Variants in CSMD3 observed in about 807,000 individuals in gnomAD.
CSMD3 encodes CUB and Sushi multiple domains 3.
Under a neutral mutation model 435.2 loss-of-function variants are expected in CSMD3, and 177 were observed. The observed-to-expected ratio is 0.41, with a 90% CI of 0.36 to 0.46. The LOEUF (loss-of-function observed/expected upper bound fraction) is 0.46, where lower values mean the gene tolerates loss of function less well. Among genes scored for constraint, CSMD3 ranks in the 20% least tolerant of loss-of-function variants. The probability of loss-of-function intolerance (pLI) is 0.34; values close to 1 mark genes in which losing one functional copy is unlikely to be tolerated. For synonymous variants in CSMD3, 1,656 were observed against 1,520.5 expected (o/e 1.09, Z -2.07); for missense variants, 4,265 against 4,504.6 (o/e 0.95, Z 1.52).
At chr8:112,271,987 T>C (rs1817570281) in intron 59 of CSMD3, among the ~76,000 whole-genome samples, 1 of 152,164 alleles carries the variant, frequency 6.6e-6, no homozygotes, top group Admixed American at 6.6e-5. Context: ...GGGAGGGAAC[T>C]ATTAATAGCT....
At chr8:112,605,463 C>T (rs1832714979) in intron 22 of CSMD3, among the ~76,000 whole-genome samples, 2 of 152,096 alleles carry the variant, frequency 1.3e-5, no homozygotes, top group Non-Finnish European at 2.9e-5. Context: ...GGAATGAACT[C>T]ATGTTCTCTG....
intron 32 of CSMD3, among the ~76,000 whole-genome samples, chr8:112,448,292 C>T (rs919405466): frequency 1.3e-5 from 2 of 152,086 alleles, no homozygotes; most frequent in African/African-American, 4.8e-5. Flanking sequence ...CCTCATTAAA[C>T]CTTAATCACC....
chr8:112,477,899 C>T (rs1819226313), intron 31 of CSMD3, among the ~76,000 whole-genome samples: 1 of 152,162 alleles, frequency 6.6e-6, no homozygotes, highest in Non-Finnish European at 1.5e-5. Flanking sequence ...CAAATCTCAT[C>T]TTAAATTCCC....
Position 112,502,559 on chromosome 8 carries a change from C to T in CSMD3, c.5083+1231G>A, listed in dbSNP as rs763795762. Among the ~76,000 whole-genome samples the T allele has an allele frequency of 7.9e-5, 12 of 152,310 alleles. No homozygotes were observed. The East Asian group carries it at 1.3e-3, about 17-fold the overall frequency. On this transcript the variant is annotated intron_variant, in intron 30 of 70. Coordinates refer to ENST00000297405, the MANE Select transcript of CSMD3 (RefSeq NM_198123.2). ...CATTTCCCTAAAAACATCTTTCTTA[C>T]CCATATCATGTGTTGTGAAATTTAT...
chr8:113,168,693 T>C (rs983251181), intron 4 of CSMD3, among the ~76,000 whole-genome samples: 2 of 151,970 alleles, frequency 1.3e-5, no homozygotes, highest in African/African-American at 4.8e-5. Flanking sequence ...TTAAGCACTA[T>C]ATGGGAATGA....
At chr8:112,254,199 A>T (rs2130254839) in intron 63 of CSMD3, 54 bp downstream of exon 63, 1 of 1,237,482 alleles carries the variant, frequency 8.1e-7, no homozygotes, top group Non-Finnish European at 1.2e-6. Context: ...CATATGAACC[A>T]AAGACGCATT....
chr8:112,761,201 T>C (rs1407995811), intron 13 of CSMD3, among the ~76,000 whole-genome samples: 2 of 152,126 alleles, frequency 1.3e-5, no homozygotes, highest in Non-Finnish European at 2.9e-5. Context: ...TAGTTTCTTT[T>C]ATTTCTCATT....
chr8:113,259,724 G>A (rs931424934), intron 3 of CSMD3, among the ~76,000 whole-genome samples: 2 of 152,090 alleles, frequency 1.3e-5, no homozygotes, highest in Non-Finnish European at 2.9e-5. Context: ...CTATGAAAAT[G>A]CTTTAAGGAG....
At chr8:112,690,467 T>C (rs760336418) in intron 13 of CSMD3, among the ~76,000 whole-genome samples, 1 of 151,926 alleles carries the variant, frequency 6.6e-6, no homozygotes, top group Non-Finnish European at 1.5e-5. Context: ...CCCTGAATCA[T>C]GACCAGGACA....
intron 45 of CSMD3, among the ~76,000 whole-genome samples, chr8:112,330,755 CT>C (rs1186225634): frequency 6.6e-6 from 1 of 151,996 alleles, no homozygotes; most frequent in Non-Finnish European, 1.5e-5. Context: ...ATGAAAATCA[CT>C]TTGACTAAAT....
At chr8:112,441,369 TCTTTCTGTA>T (rs1459637334) in intron 32 of CSMD3, among the ~76,000 whole-genome samples, 2 of 152,292 alleles carry the variant, frequency 1.3e-5, no homozygotes, top group East Asian at 3.9e-4. Context: ...CTTTCCCACA[TCTTTCTGTA>T]TTCTGAGCCT....
At chr8:113,231,525 T>G (rs535524827) in intron 3 of CSMD3, among the ~76,000 whole-genome samples, 1 of 151,622 alleles carries the variant, frequency 6.6e-6, no homozygotes, top group Non-Finnish European at 1.5e-5. Context: ...ATTTTGTTGG[T>G]TTCAACCAAT....
At chr8:113,097,900 G>T (rs2090213453) in intron 5 of CSMD3, among the ~76,000 whole-genome samples, 1 of 151,822 alleles carries the variant, frequency 6.6e-6, no homozygotes, top group African/African-American at 2.4e-5. Context: ...TACATCATCA[G>T]TATCTCTCAA....
Position 112,314,264 on chromosome 8 carries a change from A to G in CSMD3, c.7549+165T>C, listed in dbSNP as rs577297423. Among the ~76,000 whole-genome samples the G allele has an allele frequency of 3.3e-5, 5 of 152,222 alleles. No individual in the cohort carries two copies. In the East Asian group the frequency reaches 9.6e-4, roughly 29 times the overall value. ...TAATTTGTAAAATAATAGTGGAGCT[A>G]ACTATAATTTTCATATGGTATAGGA... On this transcript the variant is annotated intron_variant, in intron 48 of 70. Transcript: ENST00000297405.
intron 38 of CSMD3, among the ~76,000 whole-genome samples, chr8:112,363,475 A>T (rs1230188827): frequency 6.6e-6 from 1 of 152,004 alleles, no homozygotes; most frequent in Non-Finnish European, 1.5e-5. Flanking sequence ...AAGCATCCTG[A>T]GTCTTTCAAC....
At chr8:112,258,279 T>C (rs1816004024) in intron 61 of CSMD3, among the ~76,000 whole-genome samples, 1 of 152,092 alleles carries the variant, frequency 6.6e-6, no homozygotes, top group South Asian at 2.1e-4. Flanking sequence ...ATTTGACAAA[T>C]GGGATCTAAT....
intron 4 of CSMD3, among the ~76,000 whole-genome samples, chr8:113,103,849 G>A (rs1259753618): frequency 6.6e-6 from 1 of 151,926 alleles, no homozygotes; most frequent in Non-Finnish European, 1.5e-5. Context: ...TTTAAAAATA[G>A]TTCACTATGA....
At chr8:113,094,616 T>A (rs913299301) in intron 5 of CSMD3, among the ~76,000 whole-genome samples, 15 of 152,210 alleles carry the variant, frequency 9.9e-5, no homozygotes, top group African/African-American at 3.6e-4. Context: ...TGTATTTGTA[T>A]CAATTAATTT....
rs183886264 is a variant in CSMD3 at position 113,283,232 on chromosome 8, C to T, written c.402-4528G>A. On this transcript the variant is annotated intron_variant, in intron 2 of 70. Coordinates refer to ENST00000297405, the MANE Select transcript of CSMD3 (RefSeq NM_198123.2). ...ATGCAATAAAAACAAATATAAATAG[C>T]TGGGACCTAAATAAACTACAGAGCT... Among the ~76,000 whole-genome samples the T allele has an allele frequency of 3.0e-3, 461 of 151,958 alleles. 1 individual carries two copies. The highest frequency in any genetic ancestry group is 0.011 in the African/African-American group (438 of 41,510).
Sources: allele counts gnomAD v4.1 joint callset (sites outside exome capture counted in the v4.1 genomes callset), GRCh38; gene constraint gnomAD v4.1.1; transcripts MANE v1.5; gene names NCBI Gene and HGNC (gene_info 2026-07-23, HGNC 2026-07-21).